SV2B: variants seen among roughly 807,000 people sequenced by gnomAD.
SV2B encodes the protein synaptic vesicle glycoprotein 2B.
In SV2B, 41 loss-of-function variants were observed where a neutral mutation model predicts 73.9. The ratio of observed to expected loss-of-function variants is 0.56; its 90% CI spans 0.43 to 0.72. SV2B has a LOEUF of 0.72. Ranked by LOEUF, SV2B falls within the 30% of genes least tolerant of loss-of-function variation. The probability of loss-of-function intolerance (pLI) is 0.00; values close to 1 mark genes in which losing one functional copy is unlikely to be tolerated. For synonymous variants in SV2B, 314 were observed against 314.2 expected (o/e 1.00, Z 0.01); for missense variants, 764 against 857.8 (o/e 0.89, Z 1.37).
At chr15:91,222,353 C>A (rs925647539) in intron 1 of SV2B, among the ~76,000 whole-genome samples, 21 of 152,148 alleles carry the variant, frequency 1.4e-4, no homozygotes, top group African/African-American at 4.8e-4. Flanking sequence ...TGGCACGAAG[C>A]CTCAAAGCAA....
At chr15:91,235,446 A>C (rs1012267338) in intron 2 of SV2B, among the ~76,000 whole-genome samples, 1 of 120,116 alleles carries the variant, frequency 8.3e-6, no homozygotes. Flanking sequence ...ATGAATAGAA[A>C]TAAGTTTTCT....
In SV2B at chr15:91,129,399, A is replaced by G. The variant is rs1349419690; in HGVS notation, c.-392+29036A>G. On this transcript the variant is annotated intron_variant, in intron 1 of 12. Coordinates refer to ENST00000394232, the MANE Select transcript of SV2B (RefSeq NM_001323032.3). The surrounding 1 kb of genome is among the most constrained non-coding windows in gnomAD (Gnocchi z 5.1). The stretch of plus-strand genomic sequence containing the variant: ...GGGTTGTGATGAAGGGGGAGAAATC[A>G]ATTGTCCGGAGATGGAACTGGGGGA... 6.6e-6 allele frequency among the ~76,000 whole-genome samples: 1 copy of G among 152,226 alleles called. No individual in the cohort carries two copies. The highest frequency in any genetic ancestry group is 1.5e-5 in the Non-Finnish European group (1 of 68,046).
At chr15:91,185,341 G>A (rs1032024273) in intron 1 of SV2B, among the ~76,000 whole-genome samples, 3 of 152,180 alleles carry the variant, frequency 2.0e-5, no homozygotes, top group Non-Finnish European at 4.4e-5. Context: ...GCTTCCTTTT[G>A]TATCTATTTG....
At chr15:91,192,546 T>C (rs2045077646) in intron 1 of SV2B, among the ~76,000 whole-genome samples, 1 of 152,212 alleles carries the variant, frequency 6.6e-6, no homozygotes, top group African/African-American at 2.4e-5. Flanking sequence ...GAGAAATCAG[T>C]GAAGTAGTGT....
intron 6 of SV2B, among the ~76,000 whole-genome samples, chr15:91,262,724 T>C (rs1231250975): frequency 6.6e-6 from 1 of 152,186 alleles, no homozygotes; most frequent in Non-Finnish European, 1.5e-5. Flanking sequence ...AAACATTTAT[T>C]AAGAAGCACG....
In SV2B at chr15:91,239,015, T is replaced by A. The variant is rs3784770; in HGVS notation, c.451+12301T>A. 2.6e-3 allele frequency among the ~76,000 whole-genome samples: 395 copies of A among 152,276 alleles called. 6 individuals carry two copies. Among genetic ancestry groups the A allele is most frequent in the East Asian group, 0.017 (86 of 5,184 alleles). ...AGCACTAGCTCAGATGAACTGATTTTCACTTTGCAAAGGTTTGATTTTAAT... is the reference window on the plus strand; with the variant it reads ...AGCACTAGCTCAGATGAACTGATTTACACTTTGCAAAGGTTTGATTTTAAT... On this transcript the variant is annotated intron_variant, in intron 2 of 12. Coordinates refer to ENST00000394232, the MANE Select transcript of SV2B (RefSeq NM_001323032.3). This position sits in a 1 kb window ranked among gnomAD's most constrained non-coding sequence, Gnocchi z 5.1.
Position 91,281,864 on chromosome 15 carries a change from A to G in SV2B, c.1507+3A>G, listed in dbSNP as rs760875684. The G allele has an allele frequency of 3.1e-6, 5 of 1,607,368 alleles. No individual in the cohort carries two copies. The Admixed American group carries it at 6.7e-5, about 21-fold the overall frequency. On this transcript the variant is annotated splice_donor_region_variant and intron_variant, in intron 10 of 12. Coordinates refer to ENST00000394232, the MANE Select transcript of SV2B (RefSeq NM_001323032.3). This position sits in a 1 kb window ranked among gnomAD's most constrained non-coding sequence, Gnocchi z 4.7. ...ATCAACCATCTTTTACAACACAGGT[A>G]GGTAAGAACATTGACAGATTGAATA...
chr15:91,225,429 T>C (rs914853557), intron 1 of SV2B, among the ~76,000 whole-genome samples: 20 of 152,244 alleles, frequency 1.3e-4, no homozygotes, highest in African/African-American at 4.8e-4. Context: ...GCCAAAGGCT[T>C]GATAAGTTCT....
intron 1 of SV2B, among the ~76,000 whole-genome samples, chr15:91,201,392 C>T (rs760638660): frequency 3.9e-5 from 6 of 152,316 alleles, no homozygotes; most frequent in Non-Finnish European, 5.9e-5. Context: ...AGATGTTCTC[C>T]CTACATCACA....
intron 4 of SV2B, among the ~76,000 whole-genome samples, chr15:91,257,356 A>G (rs1331225247): frequency 6.6e-6 from 1 of 152,150 alleles, no homozygotes; most frequent in African/African-American, 2.4e-5. Flanking sequence ...CAGAATTTGA[A>G]CTCTGATCTC....
intron 1 of SV2B, among the ~76,000 whole-genome samples, chr15:91,152,975 C>T (rs1541340): frequency 5.3e-5 from 8 of 152,076 alleles, no homozygotes; most frequent in Non-Finnish European, 1.2e-4. Flanking sequence ...TCAGCAGATT[C>T]GTGTCTGGAG....
intron 1 of SV2B, among the ~76,000 whole-genome samples, chr15:91,151,724 T>C (rs1428581705): frequency 2.0e-5 from 3 of 152,168 alleles, no homozygotes; most frequent in Non-Finnish European, 4.4e-5. Flanking sequence ...AATGTGAGTG[T>C]TTTCGTCAGA....
At chr15:91,260,774 TG>T (rs2047882799) in intron 6 of SV2B, among the ~76,000 whole-genome samples, 1 of 152,170 alleles carries the variant, frequency 6.6e-6, no homozygotes, top group Non-Finnish European at 1.5e-5. Flanking sequence ...CTCAGAATCA[TG>T]GCGGGAGGCG....
At chr15:91,182,106 T>TA (rs968886671) in intron 1 of SV2B, among the ~76,000 whole-genome samples, 4 of 152,104 alleles carry the variant, frequency 2.6e-5, no homozygotes, top group African/African-American at 7.2e-5. Flanking sequence ...GCATTCAAAG[T>TA]AAAAAAACAT....
chr15:91,228,250 C>G (rs1467074588), intron 2 of SV2B, among the ~76,000 whole-genome samples: 2 of 152,066 alleles, frequency 1.3e-5, no homozygotes, highest in African/African-American at 4.8e-5. Context: ...TATATGCAAA[C>G]AGAAGAAAGG....
chr15:91,133,182 C>T lies in SV2B; in HGVS notation c.-392+32819C>T, dbSNP rs560015445. ...CACCGGTGCATTTGTAGGAATTAAGCATTTTCTCCTGCATCTCCTGCCCAC... is the reference window on the plus strand; with the variant it reads ...CACCGGTGCATTTGTAGGAATTAAGTATTTTCTCCTGCATCTCCTGCCCAC... On this transcript the variant is annotated intron_variant, in intron 1 of 12. Coordinates refer to ENST00000394232, the MANE Select transcript of SV2B (RefSeq NM_001323032.3). 7.2e-5 allele frequency among the ~76,000 whole-genome samples: 11 copies of T among 152,246 alleles called. No homozygotes were observed. In the South Asian group the frequency reaches 2.3e-3, roughly 32 times the overall value.
chr15:91,178,016 A>G (rs1329207950), intron 1 of SV2B, among the ~76,000 whole-genome samples: 1 of 149,126 alleles, frequency 6.7e-6, no homozygotes, highest in African/African-American at 2.5e-5. Flanking sequence ...TCAGTATGAT[A>G]TTGGTTGTGG....
chr15:91,215,655 G>A lies in SV2B; in HGVS notation c.-391-10218G>A, dbSNP rs186566315. Among the ~76,000 whole-genome samples, 40 of 151,932 alleles carry A rather than the reference G, an allele frequency of 2.6e-4. 1 individual carries two copies. Among genetic ancestry groups the A allele is most frequent in the African/African-American group, 9.2e-4 (38 of 41,420 alleles). On this transcript the variant is annotated intron_variant, in intron 1 of 12. Coordinates refer to ENST00000394232, the MANE Select transcript of SV2B (RefSeq NM_001323032.3). Reference sequence around the variant, plus strand: ...CATGATCTACCTAGCATTTTTACCTGGTATTATAGTGTCATCATTTTCTCT... The same window carrying A: ...CATGATCTACCTAGCATTTTTACCTAGTATTATAGTGTCATCATTTTCTCT...
chr15:91,246,876 G>A (rs551584582), intron 2 of SV2B, among the ~76,000 whole-genome samples: 67 of 152,286 alleles, frequency 4.4e-4, no homozygotes, highest in African/African-American at 1.5e-3. Context: ...ATTGAGGGAA[G>A]ATTGAATTTC....
Sources: allele counts gnomAD v4.1 joint callset (sites outside exome capture counted in the v4.1 genomes callset), GRCh38; gene constraint gnomAD v4.1.1; non-coding constraint Gnocchi (gnomAD v3.1); transcripts MANE v1.5; gene names NCBI Gene and HGNC (gene_info 2026-07-23, HGNC 2026-07-21).